GOLM2: variants seen among roughly 807,000 people sequenced by gnomAD.
GOLM2 encodes protein GOLM2.
Under a neutral mutation model 55.9 loss-of-function variants are expected in GOLM2, and 26 were observed. The ratio of observed to expected loss-of-function variants is 0.47; its 90% CI spans 0.34 to 0.65. GOLM2 has a LOEUF of 0.65. Among genes scored for constraint, GOLM2 ranks in the 30% least tolerant of loss-of-function variants. The pLI is 0.01. For missense variants in GOLM2, 486 were observed against 531.8 expected, an observed-to-expected ratio of 0.91 and a Z score of 0.85; for synonymous variants, 165 against 194.6, an observed-to-expected ratio of 0.85 and a Z score of 1.27.
intron 8 of GOLM2, among the ~76,000 whole-genome samples, chr15:44,396,200 C>T (rs1195947870): frequency 6.6e-6 from 1 of 151,270 alleles, no homozygotes; most frequent in African/African-American, 2.4e-5. Context: ...ACTAAAAATG[C>T]AAAAAAAATT....
intron 1 of GOLM2, among the ~76,000 whole-genome samples, chr15:44,315,843 AC>A (rs1351155196): frequency 6.6e-6 from 1 of 152,252 alleles, no homozygotes; most frequent in Non-Finnish European, 1.5e-5. Context: ...GACGGCGATA[AC>A]AAGGGGAAAT....
chr15:44,409,060 G>T (rs563579471), intron 9 of GOLM2, among the ~76,000 whole-genome samples: 2 of 151,882 alleles, frequency 1.3e-5, no homozygotes, highest in African/African-American at 4.8e-5. Flanking sequence ...GCTGGATCAC[G>T]AGGTCAGGAG....
intron 6 of GOLM2, among the ~76,000 whole-genome samples, chr15:44,340,628 A>T (rs540293870): frequency 6.6e-6 from 1 of 152,330 alleles, no homozygotes; most frequent in East Asian, 1.9e-4. Context: ...CCTGTTAGAC[A>T]TGCAAATTCT....
rs2078700136 is a variant in GOLM2 at position 44,288,985 on chromosome 15, A to T, written c.-45A>T. On this transcript the variant is annotated 5_prime_UTR_variant, in exon 1 of 10. Coordinates refer to ENST00000299957, the MANE Select transcript of GOLM2 (RefSeq NM_138423.4). ...AGCCGAGGCCTGGGCTTCTGCCTGCAGGTGTCTGCGGCGAGGCCCCTAGGG... is the reference window on the plus strand; with the variant it reads ...AGCCGAGGCCTGGGCTTCTGCCTGCTGGTGTCTGCGGCGAGGCCCCTAGGG... The T allele has an allele frequency of 1.4e-5, 22 of 1,534,536 alleles. No homozygotes were observed. The highest frequency in any genetic ancestry group is 2.0e-5 in the Non-Finnish European group (22 of 1,126,444).
chr15:44,291,746 C>G (rs757500194), intron 1 of GOLM2, among the ~76,000 whole-genome samples: 17 of 152,154 alleles, frequency 1.1e-4, no homozygotes, highest in Non-Finnish European at 2.2e-4. Context: ...TAGTAAGGGA[C>G]TCTGTTATTG....
At chr15:44,304,212 C>T (rs2078819522) in intron 1 of GOLM2, among the ~76,000 whole-genome samples, 2 of 144,456 alleles carry the variant, frequency 1.4e-5, no homozygotes, top group East Asian at 2.1e-4. Flanking sequence ...AATTCAGTCA[C>T]GTCTTCAGGC....
At chr15:44,339,050 G>A (rs1268736661) in intron 6 of GOLM2, among the ~76,000 whole-genome samples, 1 of 151,998 alleles carries the variant, frequency 6.6e-6, no homozygotes, top group Non-Finnish European at 1.5e-5. Flanking sequence ...TGCCTCTACT[G>A]CTTTTGGCTG....
intron 9 of GOLM2, among the ~76,000 whole-genome samples, chr15:44,407,259 T>C (rs1051602187): frequency 1.4e-5 from 2 of 147,292 alleles, no homozygotes; most frequent in Admixed American, 6.9e-5. Flanking sequence ...ATTTATATTA[T>C]ATATTTATAT....
At chr15:44,400,414 G>A (rs1595667934) in intron 8 of GOLM2, among the ~76,000 whole-genome samples, 1 of 151,508 alleles carries the variant, frequency 6.6e-6, no homozygotes, top group East Asian at 1.9e-4. Context: ...CGCCTCCCGG[G>A]TTCCAGTGAT....
At chr15:44,317,226 A>T (rs1174036538) in intron 1 of GOLM2, among the ~76,000 whole-genome samples, 2 of 151,620 alleles carry the variant, frequency 1.3e-5, no homozygotes, top group Admixed American at 6.6e-5. Context: ...AGACAAAAAA[A>T]ATTATCTGGG....
chr15:44,290,510 C>T (rs544709973), intron 1 of GOLM2, among the ~76,000 whole-genome samples: 2 of 152,256 alleles, frequency 1.3e-5, no homozygotes, highest in East Asian at 3.9e-4. Context: ...TAAGTGCTTC[C>T]CTATAACCCC....
At chr15:44,404,467 T>C (rs1177577259) in intron 9 of GOLM2, among the ~76,000 whole-genome samples, 2 of 152,162 alleles carry the variant, frequency 1.3e-5, no homozygotes, top group African/African-American at 4.8e-5. Flanking sequence ...ATAAGAATTT[T>C]TCAAACACTT....
chr15:44,378,169 C>G (rs1195802359), intron 6 of GOLM2, among the ~76,000 whole-genome samples: 1 of 151,470 alleles, frequency 6.6e-6, no homozygotes, highest in East Asian at 1.9e-4. Context: ...CTGCCTCAGC[C>G]TCCCAAGTAG....
rs1458633479 is a variant in GOLM2, at chr15:44,362,057, G to A, written c.803-17633G>A. Among the ~76,000 whole-genome samples the A allele has an allele frequency of 2.2e-4, 34 of 151,908 alleles. 1 individual carries two copies. The highest frequency in any genetic ancestry group is 5.9e-5 in the Non-Finnish European group (4 of 68,000). Reference sequence around the variant, plus strand: ...TGGAACATATCTCAAAATAATAAGAGCTATCTATGACAAACCCACAGCCAA... The same window carrying A: ...TGGAACATATCTCAAAATAATAAGAACTATCTATGACAAACCCACAGCCAA... On this transcript the variant is annotated intron_variant, in intron 6 of 9. Transcript: ENST00000299957.
chr15:44,338,307 T>A lies in GOLM2; in HGVS notation c.792T>A (p.Asp264Glu), dbSNP rs567283521. ...IEENDLAKVDDLPPALRKPPI... is the reference protein window; with the variant it reads ...IEENDLAKVDELPPALRKPPI... ...AGAATGACCTAGCAAAAGTTGATGA[T>A]CTTCCCCCTGGTAAGTAAAAATTGT... The change falls in exon 6 of 10, where the codon GAT (aspartate) becomes GAA (glutamate). Residue 264 changes from aspartate (D) to glutamate (E), a missense_variant. Transcript: ENST00000299957. 1.2e-6 allele frequency: 2 copies of A among 1,612,678 alleles called. No individual in the cohort carries two copies. The highest frequency in any genetic ancestry group is 3.3e-5 in the Admixed American group (2 of 60,006).
chr15:44,315,048 G>A (rs1045057032), intron 1 of GOLM2, among the ~76,000 whole-genome samples: 1 of 152,204 alleles, frequency 6.6e-6, no homozygotes, highest in African/African-American at 2.4e-5. Context: ...AAACCTGGCT[G>A]CTTATCAGAA....
chr15:44,345,653 T>G (rs1354185507), intron 6 of GOLM2, among the ~76,000 whole-genome samples: 1 of 152,204 alleles, frequency 6.6e-6, no homozygotes, highest in Non-Finnish European at 1.5e-5. Flanking sequence ...TCGTATTTCT[T>G]TCTTGGAAAC....
chr15:44,314,571 A>T, intron 1 of GOLM2, among the ~76,000 whole-genome samples: 1 of 152,158 alleles, frequency 6.6e-6, no homozygotes. Context: ...AAAAAAAAAA[A>T]AAAATGTAAC....
intron 9 of GOLM2, chr15:44,406,414 A>G (rs1314965278): frequency 6.6e-6 from 1 of 152,152 alleles, no homozygotes; most frequent in African/African-American, 2.4e-5. Flanking sequence ...AAAGAAAAAA[A>G]CATTAGTCTA....
Sources: allele counts gnomAD v4.1 joint callset (sites outside exome capture counted in the v4.1 genomes callset), GRCh38; gene constraint gnomAD v4.1.1; transcripts MANE v1.5; gene names NCBI Gene and HGNC (gene_info 2026-07-23, HGNC 2026-07-21).